Variants in LRRTM4 observed in about 807,000 individuals in gnomAD.
LRRTM4 encodes the protein leucine rich repeat transmembrane neuronal 4, also known as leucine-rich repeat transmembrane neuronal protein 4.
A neutral mutation model predicts 47.6 loss-of-function variants in LRRTM4; 25 were observed. The observed-to-expected ratio is 0.53, with a 90% confidence interval of 0.38 to 0.73. The LOEUF is 0.73. Among genes scored for constraint, LRRTM4 ranks in the 30% least tolerant of loss-of-function variants. The probability of loss-of-function intolerance (pLI) is 0.00; values close to 1 mark genes in which losing one functional copy is unlikely to be tolerated. For synonymous variants in LRRTM4, 311 were observed against 269.5 expected (o/e 1.15, Z -1.51); for missense variants, 638 against 713.4 (o/e 0.89, Z 1.20).
At chr2:77,499,438 T>G (rs2104070864) in intron 3 of LRRTM4, among the ~76,000 whole-genome samples, 1 of 151,978 alleles carries the variant, frequency 6.6e-6, no homozygotes, top group African/African-American at 2.4e-5. Flanking sequence ...CCTGCCCAGC[T>G]ACACCAGGTG....
intron 3 of LRRTM4, among the ~76,000 whole-genome samples, chr2:77,230,348 G>T (rs1394644287): frequency 2.0e-5 from 3 of 152,050 alleles, no homozygotes; most frequent in African/African-American, 7.2e-5. Context: ...AGACACAACT[G>T]TTCTCCTTAA....
At chr2:76,939,926 TATTC>T (rs2103857930) in intron 3 of LRRTM4, among the ~76,000 whole-genome samples, 1 of 152,306 alleles carries the variant, frequency 6.6e-6, no homozygotes, top group Admixed American at 6.5e-5. Flanking sequence ...TACTGACAAT[TATTC>T]ATTATTTCAA....
At chr2:77,074,377 T>C (rs1020140673) in intron 3 of LRRTM4, among the ~76,000 whole-genome samples, 20 of 152,132 alleles carry the variant, frequency 1.3e-4, no homozygotes, top group African/African-American at 4.6e-4. Context: ...TTGTCCACAG[T>C]CCCTTGAACA....
At chr2:76,771,861 C>T (rs1396117529) in intron 3 of LRRTM4, among the ~76,000 whole-genome samples, 7 of 152,034 alleles carry the variant, frequency 4.6e-5, no homozygotes, top group South Asian at 4.2e-4. Flanking sequence ...CTCTATGTGA[C>T]GATGAGGAGT....
At chr2:77,203,653 TGATAA>T (rs1397828086) in intron 3 of LRRTM4, among the ~76,000 whole-genome samples, 9 of 151,892 alleles carry the variant, frequency 5.9e-5, no homozygotes, top group African/African-American at 2.2e-4. Flanking sequence ...TTTACCTTAA[TGATAA>T]AGCCTTTAAG....
chr2:77,183,035 A>G lies in LRRTM4; in HGVS notation c.1551+335283T>C, dbSNP rs188248525. 4.3e-3 allele frequency among the ~76,000 whole-genome samples: 653 copies of G among 152,354 alleles called. 5 individuals are homozygous for G. Among genetic ancestry groups the G allele is most frequent in the African/African-American group, 0.015 (633 of 41,588 alleles). On this transcript the variant is annotated intron_variant, in intron 3 of 3. Coordinates refer to ENST00000409884, the MANE Select transcript of LRRTM4 (RefSeq NM_001134745.3). ...GGACATAGGCATGGGCAAGGACTTC[A>G]TGACTAAAACGCCAAAAGCAATGGC...
intron 3 of LRRTM4, among the ~76,000 whole-genome samples, chr2:77,500,006 C>T (rs893344116): frequency 1.3e-5 from 2 of 151,688 alleles, no homozygotes; most frequent in African/African-American, 4.8e-5. Context: ...AAAAGTGATA[C>T]TTCTTTTTAT....
intron 3 of LRRTM4, among the ~76,000 whole-genome samples, chr2:77,288,316 C>T (rs933852495): frequency 5.3e-5 from 8 of 151,378 alleles, no homozygotes; most frequent in Non-Finnish European, 8.9e-5. Context: ...GAAGACAATA[C>T]ATAACCGAAT....
chr2:77,169,732 G>A (rs1008284919), intron 3 of LRRTM4, among the ~76,000 whole-genome samples: 27 of 152,204 alleles, frequency 1.8e-4, no homozygotes, highest in African/African-American at 6.0e-4. Context: ...GTCCCTGGAC[G>A]TCCATCCTCC....
intron 3 of LRRTM4, among the ~76,000 whole-genome samples, chr2:77,190,358 C>G (rs531642707): frequency 1.4e-5 from 2 of 144,526 alleles, no homozygotes; most frequent in Non-Finnish European, 3.0e-5. Flanking sequence ...AGCAACGGCA[C>G]GATCTTGGCT....
At chr2:77,362,807 T>C (rs1284803285) in intron 3 of LRRTM4, among the ~76,000 whole-genome samples, 1 of 152,188 alleles carries the variant, frequency 6.6e-6, no homozygotes, top group Non-Finnish European at 1.5e-5. Flanking sequence ...GATTTACAGA[T>C]TTCTTAGGCA....
intron 3 of LRRTM4, among the ~76,000 whole-genome samples, chr2:76,766,582 C>A (rs1673465053): frequency 6.6e-6 from 1 of 152,210 alleles, no homozygotes; most frequent in African/African-American, 2.4e-5. Context: ...TCATCAAGTT[C>A]TCTTGCTGTC....
At chr2:77,166,289 T>C (rs12713896) in intron 3 of LRRTM4, among the ~76,000 whole-genome samples, 1 of 151,784 alleles carries the variant, frequency 6.6e-6, no homozygotes, top group Non-Finnish European at 1.5e-5. Flanking sequence ...TGAAAACCAC[T>C]GCTCAATGAA....
intron 3 of LRRTM4, among the ~76,000 whole-genome samples, chr2:77,259,585 A>G (rs1345508510): frequency 6.6e-6 from 1 of 151,982 alleles, no homozygotes; most frequent in Non-Finnish European, 1.5e-5. Context: ...AAAATAAAAG[A>G]AGTTTGGGAA....
chr2:76,782,851 C>T (rs1446111744), intron 3 of LRRTM4, among the ~76,000 whole-genome samples: 5 of 152,036 alleles, frequency 3.3e-5, no homozygotes, highest in African/African-American at 4.8e-5. Context: ...AAATTAGTTA[C>T]GTATTTTAGA....
chr2:77,517,114 G>C, intron 3 of LRRTM4: 1 of 985,062 alleles, frequency 1.0e-6, no homozygotes, highest in Non-Finnish European at 1.2e-6. Context: ...TGCACATAAT[G>C]ATCAACATTA....
At chr2:76,974,203 T>TATATAC (rs1676330830) in intron 3 of LRRTM4, among the ~76,000 whole-genome samples, 3 of 80,242 alleles carry the variant, frequency 3.7e-5, no homozygotes, top group Admixed American at 3.4e-4. Flanking sequence ...TATACATATA[T>TATATAC]ATATATACAC....
chr2:77,106,238 C>T (rs1386270814), intron 3 of LRRTM4, among the ~76,000 whole-genome samples: 1 of 152,144 alleles, frequency 6.6e-6, no homozygotes, highest in Non-Finnish European at 1.5e-5. Flanking sequence ...ATAAAACAAT[C>T]TCTTTAAAAT....
intron 3 of LRRTM4, among the ~76,000 whole-genome samples, chr2:77,049,349 T>C (rs1269716134): frequency 2.0e-5 from 3 of 151,406 alleles, no homozygotes; most frequent in African/African-American, 7.3e-5. Flanking sequence ...TGTTGGATCA[T>C]TTGTAATTGT....
Sources: allele counts gnomAD v4.1 joint callset (sites outside exome capture counted in the v4.1 genomes callset), GRCh38; gene constraint gnomAD v4.1.1; transcripts MANE v1.5; gene names NCBI Gene and HGNC (gene_info 2026-07-23, HGNC 2026-07-21).